XIRP2: variants seen among roughly 807,000 people sequenced by gnomAD.
The protein encoded by XIRP2 is xin actin-binding repeat-containing protein 2.
A neutral mutation model predicts 277.0 loss-of-function variants in XIRP2; 236 were observed. That is an observed-to-expected ratio of 0.85 (90% CI 0.77 to 0.95). The LOEUF is 0.95. XIRP2 is among the 40% of genes least tolerant of loss of function. The pLI is 0.00. For synonymous variants in XIRP2, 1,490 were observed against 1,416.5 expected (o/e 1.05, Z -1.17); for missense variants, 4,640 against 4,157.5 (o/e 1.12, Z -3.19).
intron 2 of XIRP2, among the ~76,000 whole-genome samples, chr2:167,110,002 C>T (rs1371911047): frequency 6.6e-6 from 1 of 152,038 alleles, no homozygotes; most frequent in African/African-American, 2.4e-5. Context: ...ATGTCCTTTG[C>T]CCACTTCTTC....
intron 2 of XIRP2, among the ~76,000 whole-genome samples, chr2:167,015,603 C>T (rs991760774): frequency 5.3e-5 from 8 of 151,732 alleles, no homozygotes; most frequent in African/African-American, 1.9e-4. Context: ...ATTACCACTC[C>T]AAATCCTACT....
intron 1 of XIRP2, among the ~76,000 whole-genome samples, chr2:166,892,692 G>A (rs1336575808): frequency 1.3e-5 from 2 of 151,772 alleles, no homozygotes; most frequent in Non-Finnish European, 2.9e-5. Flanking sequence ...CAGAGCTGAA[G>A]TTTGTGTTCT....
chr2:166,955,049 A>T (rs1221516557), intron 2 of XIRP2, among the ~76,000 whole-genome samples: 2 of 151,904 alleles, frequency 1.3e-5, no homozygotes, highest in African/African-American at 2.4e-5. Context: ...CACATCCTGT[A>T]CATGTACCCC....
chr2:166,895,015 T>C (rs558157567), intron 1 of XIRP2, among the ~76,000 whole-genome samples: 1 of 152,156 alleles, frequency 6.6e-6, no homozygotes, highest in African/African-American at 2.4e-5. Context: ...AGGGACAGCC[T>C]TTGCAAAGGT....
chr2:167,138,303 A>C (rs1037030315), intron 3 of XIRP2, among the ~76,000 whole-genome samples: 2 of 152,218 alleles, frequency 1.3e-5, no homozygotes, highest in African/African-American at 2.4e-5. Flanking sequence ...TTTAGTAAAC[A>C]GTGTGAATTG....
chr2:167,080,811 G>C (rs1026581561), intron 2 of XIRP2, among the ~76,000 whole-genome samples: 6 of 152,014 alleles, frequency 3.9e-5, no homozygotes, highest in African/African-American at 1.4e-4. Flanking sequence ...ATTCCAATGG[G>C]TGCAATTTTT....
chr2:167,015,740 T>A (rs1025667599), intron 2 of XIRP2, among the ~76,000 whole-genome samples: 7 of 151,758 alleles, frequency 4.6e-5, no homozygotes, highest in African/African-American at 1.7e-4. Context: ...GAAGGTTAAG[T>A]ACCCTGGAGA....
chr2:167,131,993 C>T (rs944832213), intron 2 of XIRP2, among the ~76,000 whole-genome samples: 6 of 151,830 alleles, frequency 4.0e-5, no homozygotes, highest in African/African-American at 1.5e-4. Flanking sequence ...TTCTCACTCC[C>T]TCTCTCTCTC....
In XIRP2 at chr2:167,159,492, T is replaced by C. The variant is rs76181791; in HGVS notation, c.562+23430T>C. On this transcript the variant is annotated intron_variant, in intron 3 of 10. Transcript: ENST00000409195. ...GGATAAAGTCATTTAAAATATTTTATGTAATTTTTTAATGATTTAAGAATA... is the reference window on the plus strand; with the variant it reads ...GGATAAAGTCATTTAAAATATTTTACGTAATTTTTTAATGATTTAAGAATA... Among the ~76,000 whole-genome samples, 841 of 152,036 alleles carry C rather than the reference T, an allele frequency of 5.5e-3. 17 individuals carry two copies. The highest frequency in any genetic ancestry group is 0.042 in the East Asian group (217 of 5,174).
At chr2:167,067,904 T>C (rs1056457758) in intron 2 of XIRP2, among the ~76,000 whole-genome samples, 6 of 152,192 alleles carry the variant, frequency 3.9e-5, no homozygotes, top group African/African-American at 9.6e-5. Flanking sequence ...TAGTTTTCAG[T>C]TTTCCATATT....
At chr2:167,086,010 G>T (rs1311070078) in intron 2 of XIRP2, among the ~76,000 whole-genome samples, 1 of 151,478 alleles carries the variant, frequency 6.6e-6, no homozygotes, top group African/African-American at 2.4e-5. Flanking sequence ...TATTTTGCTC[G>T]TTAGTTGATG....
At chr2:167,058,044 ATTTTATTTTATTT>A (rs1308364986) in intron 2 of XIRP2, among the ~76,000 whole-genome samples, 3 of 147,626 alleles carry the variant, frequency 2.0e-5, no homozygotes, top group African/African-American at 7.5e-5. Flanking sequence ...ATTTTATTTT[ATTTTATTTTATTT>A]TATTTTATTT....
chr2:167,203,807 A>T (rs189186263), intron 3 of XIRP2, among the ~76,000 whole-genome samples: 57 of 152,338 alleles, frequency 3.7e-4, no homozygotes, highest in African/African-American at 1.3e-3. Flanking sequence ...AAATATTAAG[A>T]ATTATAGAAA....
intron 2 of XIRP2, among the ~76,000 whole-genome samples, chr2:167,036,838 C>T (rs1384388555): frequency 1.3e-5 from 2 of 152,090 alleles, no homozygotes; most frequent in African/African-American, 4.8e-5. Context: ...ATCATGGGGG[C>T]TGGTCTTTCC....
chr2:167,130,194 C>G (rs1691333410), intron 2 of XIRP2, among the ~76,000 whole-genome samples: 2 of 151,976 alleles, frequency 1.3e-5, no homozygotes, highest in South Asian at 4.2e-4. Context: ...TACCTGGAGA[C>G]CATTCTTCCT....
At chr2:167,233,233 G>A (rs775222362) in intron 5 of XIRP2, among the ~76,000 whole-genome samples, 2 of 151,926 alleles carry the variant, frequency 1.3e-5, no homozygotes, top group East Asian at 1.9e-4. Context: ...TGAGTGTAGT[G>A]AGGAATAATT....
rs938567360 is a variant in XIRP2 at position 167,085,720 on chromosome 2, T to G, written c.409-50189T>G. 5.3e-5 allele frequency among the ~76,000 whole-genome samples: 8 copies of G among 152,008 alleles called. No homozygotes were observed. The South Asian group carries it at 1.5e-3, about 28-fold the overall frequency. ...TAATGGCCTTCTTTGTCTCTTTTGA[T>G]CTTTGTTGGTTTAAAGTCTGTTTTA... On this transcript the variant is annotated intron_variant, in intron 2 of 10. Transcript: ENST00000409195.
chr2:167,175,280 G>A (rs1283422202), intron 3 of XIRP2, among the ~76,000 whole-genome samples: 1 of 152,174 alleles, frequency 6.6e-6, no homozygotes, highest in Non-Finnish European at 1.5e-5. Flanking sequence ...ATTTAGGATA[G>A]TTGGCTCTTC....
chr2:167,113,310 C>T (rs1448853922), intron 2 of XIRP2, among the ~76,000 whole-genome samples: 4 of 152,148 alleles, frequency 2.6e-5, no homozygotes, highest in Admixed American at 6.5e-5. Flanking sequence ...TAAGGACTTG[C>T]TTTATGAATC....
Sources: allele counts gnomAD v4.1 joint callset (sites outside exome capture counted in the v4.1 genomes callset), GRCh38; gene constraint gnomAD v4.1.1; transcripts MANE v1.5; gene names NCBI Gene and HGNC (gene_info 2026-07-23, HGNC 2026-07-21).